The following BRD1 variants were observed in gnomAD, a reference collection of about 807,000 sequenced individuals.
BRD1 encodes the protein bromodomain-containing protein 1.
In BRD1, 24 loss-of-function variants were observed where a neutral mutation model predicts 107.7. The observed-to-expected ratio is 0.22, with a 90% confidence interval of 0.16 to 0.31. The LOEUF is 0.31. BRD1 is among the 10% of genes least tolerant of loss of function. BRD1 has a pLI of 1.00. For synonymous variants in BRD1, 744 were observed against 686.1 expected (o/e 1.08, Z -1.32); for missense variants, 1,279 against 1,638.6 (o/e 0.78, Z 3.79).
In BRD1 at chr22:49,774,076, GT is replaced by G. The variant is rs1287425787; in HGVS notation, c.*156del. The G allele has an allele frequency of 9.4e-7, 1 of 1,066,364 alleles. No homozygotes were observed. The highest frequency in any genetic ancestry group is 1.3e-6 in the Non-Finnish European group (1 of 764,300). 66.1% of individuals were successfully genotyped at this position (1,066,364 alleles called of 1,614,324 possible). Reference sequence around the variant, plus strand: ...ACTCACAGCGCCCAGACGGAGATGGGTTCCTAGAAAACTTGGAAATAAAACC... The same window carrying G: ...ACTCACAGCGCCCAGACGGAGATGGGTCCTAGAAAACTTGGAAATAAAACC... On this transcript the variant is annotated 3_prime_UTR_variant, in exon 13 of 13. Coordinates refer to ENST00000404760, the MANE Select transcript of BRD1 (RefSeq NM_001304808.3).
intron 2 of BRD1, among the ~76,000 whole-genome samples, chr22:49,821,535 C>A (rs1957069292): frequency 6.6e-6 from 1 of 152,068 alleles, no homozygotes; most frequent in Non-Finnish European, 1.5e-5. Context: ...TGAGTATTTA[C>A]AGCTCTGTGA....
At chr22:49,800,399 T>C (rs1406585234) in intron 3 of BRD1, among the ~76,000 whole-genome samples, 1 of 151,906 alleles carries the variant, frequency 6.6e-6, no homozygotes, top group Non-Finnish European at 1.5e-5. Flanking sequence ...AGTAACAAGA[T>C]CCACATCAAC....
In BRD1 at chr22:49,797,899, G is replaced by A. The variant is rs202245324; in HGVS notation, c.2004C>T (p.Arg668=). ...QGGVVLRQAR[R]EVDSIGLEEA... Reference sequence around the variant, plus strand: ...CTTCCAAGCCGATGCTGTCCACCTCGCGCCGGGCCTGCCTCAGAACAACAC... The same window carrying A: ...CTTCCAAGCCGATGCTGTCCACCTCACGCCGGGCCTGCCTCAGAACAACAC... Residue 668 remains arginine (R), a synonymous_variant, in exon 6 of 13, where the codon CGC becomes CGT. Transcript: ENST00000404760. The A allele has an allele frequency of 5.1e-5, 83 of 1,613,902 alleles. No individual in the cohort carries two copies. The South Asian group carries it at 5.7e-4, about 11-fold the overall frequency.
At chr22:49,787,330 G>C in intron 8 of BRD1, 60 bp downstream of exon 8, 2 of 1,336,052 alleles carry the variant, frequency 1.5e-6, no homozygotes, top group Non-Finnish European at 2.0e-6. Flanking sequence ...CAATGATCCT[G>C]AAGGACGCTC....
At chr22:49,779,744 C>A (rs969282932) in intron 8 of BRD1, among the ~76,000 whole-genome samples, 1 of 152,122 alleles carries the variant, frequency 6.6e-6, no homozygotes, top group Non-Finnish European at 1.5e-5. Context: ...AAGTCCCGTC[C>A]TGGCCCCCGA....
In BRD1 at chr22:49,794,082, C is replaced by T. The variant is rs2059486075; in HGVS notation, c.2311G>A (p.Gly771Ser). 6.2e-7 allele frequency: 1 copy of T among 1,614,208 alleles called. No homozygotes were observed. Among genetic ancestry groups the T allele is most frequent in the Non-Finnish European group, 8.5e-7 (1 of 1,180,054 alleles). Residue 771 changes from glycine (G) to serine (S), a missense_variant, in exon 7 of 13, where the codon GGC (glycine) becomes AGC (serine). Transcript: ENST00000404760. ...AGCGCAGCTCCGTCCTCTTCGAAGC[C>T]TTCCAAGCCTGGCCCCGTGGGCAGG... ...QPLPTGPGLE[G>S]FEEDGAALGP... is the part of the protein sequence containing the mutation.
chr22:49,786,925 C>T lies in BRD1; in HGVS notation c.2857+465G>A, dbSNP rs576365476. 6.6e-5 allele frequency among the ~76,000 whole-genome samples: 10 copies of T among 151,932 alleles called. 1 individual carries two copies. In the South Asian group the frequency reaches 2.1e-3, roughly 32 times the overall value. ...CGGGACAACACAGCGAGACCCCCAT[C>T]TCTACCAAAAATTTTCAAATTAGCT... On this transcript the variant is annotated intron_variant, in intron 8 of 12. Transcript: ENST00000404760.
intron 2 of BRD1, chr22:49,806,100 T>C (rs1315366653): frequency 1.3e-5 from 2 of 152,158 alleles, no homozygotes; most frequent in African/African-American, 2.4e-5. Context: ...TTGGCCAGGC[T>C]GGTCTCGAAC....
At chr22:49,818,395 G>A (rs1465716986) in intron 2 of BRD1, 1 of 1,171,946 alleles carries the variant, frequency 8.5e-7, no homozygotes, top group Non-Finnish European at 1.1e-6. Context: ...TAGGAGTTTT[G>A]TTAAACAGAT....
chr22:49,775,340 T>G (rs1461132416), intron 12 of BRD1: 2 of 310,218 alleles, frequency 6.4e-6, no homozygotes, highest in Non-Finnish European at 1.2e-5. Flanking sequence ...CCAATGGGGC[T>G]CAGGCGAGAG....
rs1323206684 is a variant in BRD1 at position 49,823,656 on chromosome 22, A to G, written c.662T>C (p.Met221Thr). 1.2e-6 allele frequency: 2 copies of G among 1,613,136 alleles called. No individual in the cohort carries two copies. The part of the protein sequence containing the change: ...IDEDAVCCIC[M>T]DGECQNSNVI... The stretch of plus-strand genomic sequence containing the variant: ...GTTGCTGTTCTGACACTCCCCGTCC[A>G]TGCAGATGCAGCACACGGCGTCCTC... The change falls in exon 2 of 13, where the codon ATG (methionine) becomes ACG (threonine). Residue 221 changes from methionine to threonine, a missense_variant. Physicochemically the swap from Met to Thr is moderately conservative, Grantham distance 81. This residue lies in a region of BRD1 where 158 missense variants were observed against 310.2 expected (regional missense o/e 0.51). Coordinates refer to ENST00000404760, the MANE Select transcript of BRD1 (RefSeq NM_001304808.3).
intron 1 of BRD1, among the ~76,000 whole-genome samples, chr22:49,826,933 C>T (rs1400360200): frequency 6.6e-6 from 1 of 152,182 alleles, no homozygotes; most frequent in Non-Finnish European, 1.5e-5. Context: ...CCGGGGAAGC[C>T]TCGCGTTCGT....
intron 2 of BRD1, among the ~76,000 whole-genome samples, chr22:49,812,648 C>T (rs905303228): frequency 6.6e-6 from 1 of 152,240 alleles, no homozygotes; most frequent in Admixed American, 6.5e-5. Context: ...GTGTAATTAA[C>T]GGTGTAAAGA....
At chr22:49,819,638 A>G (rs183619903) in intron 2 of BRD1, among the ~76,000 whole-genome samples, 7 of 151,484 alleles carry the variant, frequency 4.6e-5, no homozygotes, top group Admixed American at 6.6e-5. Flanking sequence ...TTTAGTACAG[A>G]TGGGTTTTCA....
At chr22:49,808,722 C>T (rs531230994) in intron 2 of BRD1, among the ~76,000 whole-genome samples, 7 of 152,264 alleles carry the variant, frequency 4.6e-5, no homozygotes, top group Middle Eastern at 3.4e-3. Context: ...ACTGAAAAAA[C>T]TTGAATACAG....
At chr22:49,787,351 T>G (rs2059349088) in intron 8 of BRD1, 39 bp downstream of exon 8, 2 of 1,314,294 alleles carry the variant, frequency 1.5e-6, no homozygotes, top group Admixed American at 2.3e-5. Flanking sequence ...CAGGCACTGG[T>G]CGGCAAGGGC....
intron 6 of BRD1, among the ~76,000 whole-genome samples, chr22:49,796,002 G>A (rs1219842429): frequency 6.6e-6 from 1 of 152,194 alleles, no homozygotes; most frequent in Non-Finnish European, 1.5e-5. Context: ...TTTGGAGCCT[G>A]TGTTTATTTT....
At chr22:49,807,455 G>A (rs777990816) in intron 2 of BRD1, among the ~76,000 whole-genome samples, 6 of 152,140 alleles carry the variant, frequency 3.9e-5, no homozygotes, top group South Asian at 2.1e-4. Context: ...ACCCTGAAGC[G>A]AACCCTCCCG....
At chr22:49,798,474 C>T in intron 5 of BRD1, 84 bp downstream of exon 5, 1 of 1,601,612 alleles carries the variant, frequency 6.2e-7, no homozygotes, top group Non-Finnish European at 8.5e-7. Context: ...TGTACTCTAG[C>T]CAATCACACG....
Sources: gnomAD v4.1 joint callset for allele counts (sites outside exome capture counted in the v4.1 genomes callset) on GRCh38, gnomAD v4.1.1 for gene constraint, gnomAD v4.1.1 regional missense constraint, MANE v1.5 for transcripts, NCBI Gene and HGNC (gene_info 2026-07-23, HGNC 2026-07-21) for gene names.